The following NVL variants were observed in gnomAD, a reference collection of about 807,000 sequenced individuals.
The protein encoded by NVL is nuclear valosin-containing protein-like.
NVL carries 84 observed loss-of-function variants against 110.2 expected under a neutral mutation model. The ratio of observed to expected loss-of-function variants is 0.76; its 90% confidence interval spans 0.64 to 0.91. NVL has a LOEUF of 0.91. NVL is among the 40% of genes least tolerant of loss of function. The pLI, the probability that NVL is intolerant of heterozygous loss-of-function variation, is 0.00. For missense variants in NVL, 882 were observed against 1,035.9 expected, an observed-to-expected ratio of 0.85 and a Z score of 2.04; for synonymous variants, 354 against 361.1, an observed-to-expected ratio of 0.98 and a Z score of 0.22.
chr1:224,285,723 C>G (rs1041252283), intron 15 of NVL, among the ~76,000 whole-genome samples: 2 of 151,920 alleles, frequency 1.3e-5, no homozygotes, highest in African/African-American at 4.8e-5. Context: ...GAAACTAAGT[C>G]AAGTAAAAAC....
At chr1:224,315,453 C>T (rs1482035488) in intron 4 of NVL, among the ~76,000 whole-genome samples, 1 of 152,072 alleles carries the variant, frequency 6.6e-6, no homozygotes, top group Non-Finnish European at 1.5e-5. Context: ...CTATTCATGA[C>T]AAAAATTCTC....
intron 17 of NVL, among the ~76,000 whole-genome samples, chr1:224,274,781 G>A (rs139349905): frequency 1.3e-5 from 2 of 152,206 alleles, no homozygotes; most frequent in East Asian, 1.9e-4. Flanking sequence ...CTGGTACTCC[G>A]TACTGAAATC....
chr1:224,289,341 TG>T (rs1450625421), intron 13 of NVL, 142 bp downstream of exon 13: 1 of 647,006 alleles, frequency 1.5e-6, no homozygotes, highest in African/African-American at 1.9e-5. Flanking sequence ...ATAAACATCG[TG>T]GGTATAAATG....
Position 224,281,280 on chromosome 1 carries a change from T to TGTCC in NVL, c.1900-96_1900-95insGGAC, listed in dbSNP as rs1666286038. 5.2e-6 allele frequency: 4 copies of TGTCC among 772,138 alleles called. No individual in the cohort carries two copies. The South Asian group carries it at 5.8e-5, about 11-fold the overall frequency. The allele number at this position is 772,138 out of a possible 1,614,324, so 47.8% of individuals were successfully genotyped here. On this transcript the variant is annotated intron_variant, in intron 15 of 22. Coordinates refer to ENST00000281701, the MANE Select transcript of NVL (RefSeq NM_002533.4). ...GATGTGTGACAATGAAAGGACTCTG[T>TGTCC]GTGCGTGTGTGTGTGTGTGTGTGTG...
intron 21 of NVL, chr1:224,232,853 T>G (rs1660052895): frequency 5.7e-6 from 1 of 176,860 alleles, no homozygotes; most frequent in Non-Finnish European, 1.2e-5. Flanking sequence ...TTTTCTAAGC[T>G]CTCCAATTTA....
intron 4 of NVL, among the ~76,000 whole-genome samples, chr1:224,316,513 C>T (rs999677526): frequency 8.6e-5 from 13 of 151,874 alleles, no homozygotes; most frequent in African/African-American, 3.1e-4. Context: ...TGGCAAAACC[C>T]CATTTCTACG....
intron 16 of NVL, among the ~76,000 whole-genome samples, chr1:224,276,575 A>G (rs1665781451): frequency 6.6e-6 from 1 of 152,172 alleles, no homozygotes; most frequent in African/African-American, 2.4e-5. Context: ...ATGCTATTTA[A>G]TGACTATATG....
chr1:224,238,407 G>A (rs1400558395), intron 19 of NVL, among the ~76,000 whole-genome samples: 1 of 152,194 alleles, frequency 6.6e-6, no homozygotes, highest in Non-Finnish European at 1.5e-5. Flanking sequence ...CTGGCTGAGA[G>A]GACTGGAGCT....
At chr1:224,321,170 AG>A (rs1204999932) in intron 2 of NVL, among the ~76,000 whole-genome samples, 1 of 152,216 alleles carries the variant, frequency 6.6e-6, no homozygotes, top group Non-Finnish European at 1.5e-5. Context: ...GGATGAGCCC[AG>A]GGGGCTGAAG....
intron 12 of NVL, among the ~76,000 whole-genome samples, chr1:224,292,147 T>G (rs534939517): frequency 1.2e-4 from 18 of 152,310 alleles, no homozygotes; most frequent in South Asian, 8.3e-4. Flanking sequence ...TTCCATAATT[T>G]GATGCTTTTG....
chr1:224,292,219 CA>C (rs1558314950), intron 12 of NVL, among the ~76,000 whole-genome samples: 1 of 152,112 alleles, frequency 6.6e-6, no homozygotes, highest in African/African-American at 2.4e-5. Flanking sequence ...GCCTGGGCAA[CA>C]TAGTGAGACC....
intron 18 of NVL, among the ~76,000 whole-genome samples, chr1:224,264,737 TTTA>T (rs140321720): frequency 0.86 from 129,587 of 151,546 alleles, 56,966 homozygotes; most frequent in Non-Finnish European, 0.94. Flanking sequence ...ATCTAGAACG[TTTA>T]TTATTATTAT....
In NVL at chr1:224,317,863, AACAATAAGACTCACCTTTTTCT is replaced by A. The variant is rs1329832449; in HGVS notation, c.177_184+14del. On this transcript the variant is annotated splice_donor_variant and splice_donor_5th_base_variant and coding_sequence_variant and intron_variant, in exon 3 of 23. Coordinates refer to ENST00000281701, the MANE Select transcript of NVL (RefSeq NM_002533.4). LOFTEE classifies it high-confidence loss of function. ...ATAACTTTATTGATAATTTAGCTCTAACAATAAGACTCACCTTTTTCTACCTGAATCCTAAAAGCATTTCTTT... is the reference window on the plus strand; with the variant it reads ...ATAACTTTATTGATAATTTAGCTCTAACCTGAATCCTAAAAGCATTTCTTT... The A allele has an allele frequency of 1.4e-6, 2 of 1,418,542 alleles. No homozygotes were observed. The highest frequency in any genetic ancestry group is 6.2e-5 in the African/African-American group (2 of 32,472). The allele number at this position is 1,418,542 out of a possible 1,614,324, so 87.9% of individuals were successfully genotyped here.
At chr1:224,268,567 C>T (rs755021826) in intron 17 of NVL, among the ~76,000 whole-genome samples, 4 of 152,146 alleles carry the variant, frequency 2.6e-5, no homozygotes, top group Non-Finnish European at 5.9e-5. Flanking sequence ...ACCTCCTGGC[C>T]TCAAGCAATC....
chr1:224,289,413 A>C, intron 13 of NVL, 71 bp downstream of exon 13: 2 of 1,509,856 alleles, frequency 1.3e-6, no homozygotes. Flanking sequence ...AATTGTATTG[A>C]CCCTTGCTTC....
At chr1:224,317,587 T>A (rs1474540609) in intron 4 of NVL, 107 bp downstream of exon 4, 4 of 680,064 alleles carry the variant, frequency 5.9e-6, no homozygotes, top group African/African-American at 3.6e-5. Context: ...TAGGTAAATA[T>A]CACGCAGGGC....
At chr1:224,295,662 C>T (rs1240624579) in intron 11 of NVL, among the ~76,000 whole-genome samples, 9 of 150,818 alleles carry the variant, frequency 6.0e-5, no homozygotes, top group African/African-American at 2.0e-4. Context: ...TCAGCCTGGG[C>T]AACATAGTGA....
At chr1:224,239,524 C>T (rs974617619) in intron 19 of NVL, among the ~76,000 whole-genome samples, 5 of 152,154 alleles carry the variant, frequency 3.3e-5, no homozygotes, top group African/African-American at 1.2e-4. Context: ...CAACTTACCT[C>T]GACTGTCACA....
In NVL at chr1:224,294,815, G is replaced by GAT. The variant is rs563612548; in HGVS notation, c.1181-406_1181-405dup. Among the ~76,000 whole-genome samples, 7 of 152,298 alleles carry GAT rather than the reference G, an allele frequency of 4.6e-5. No individual in the cohort carries two copies. The East Asian group carries it at 1.4e-3, about 29-fold the overall frequency. ...AGGGTAAATACAATTTTAACAAGCAGATATATAGGCTAATGGAATTCTATG... is the reference window on the plus strand; with the variant it reads ...AGGGTAAATACAATTTTAACAAGCAGATATATATAGGCTAATGGAATTCTATG... On this transcript the variant is annotated intron_variant, in intron 11 of 22. Transcript: ENST00000281701.
Sources: allele counts gnomAD v4.1 joint callset (sites outside exome capture counted in the v4.1 genomes callset), GRCh38; gene constraint gnomAD v4.1.1; transcripts MANE v1.5; gene names NCBI Gene and HGNC (gene_info 2026-07-23, HGNC 2026-07-21).